Variants in EML4 observed in about 807,000 individuals in gnomAD.
EML4 encodes echinoderm microtubule-associated protein-like 4.
EML4 carries 72 observed loss-of-function variants against 129.0 expected under a neutral mutation model. The ratio of observed to expected loss-of-function variants is 0.56; its 90% CI spans 0.46 to 0.68. EML4 has a LOEUF of 0.68. EML4 is among the 30% of genes least tolerant of loss of function. EML4 has a pLI of 0.00. For missense variants in EML4, 1,363 were observed against 1,190.6 expected (o/e 1.14, Z -2.13); for synonymous variants, 532 against 405.0 (o/e 1.31, Z -3.77).
At chr2:42,238,755 C>A (rs1176502923) in intron 1 of EML4, among the ~76,000 whole-genome samples, 1 of 151,990 alleles carries the variant, frequency 6.6e-6, no homozygotes, top group Non-Finnish European at 1.5e-5. Flanking sequence ...CAAGCATGTG[C>A]CACCACACCT....
At chr2:42,266,891 A>G (rs937597778) in intron 6 of EML4, among the ~76,000 whole-genome samples, 1 of 152,212 alleles carries the variant, frequency 6.6e-6, no homozygotes, top group Non-Finnish European at 1.5e-5. Flanking sequence ...AGTGGCATCT[A>G]CTGAAATAGG....
chr2:42,264,949 A>T lies in EML4; in HGVS notation c.667+218A>T, dbSNP rs759113982. On this transcript the variant is annotated intron_variant, in intron 6 of 22. Coordinates refer to ENST00000318522, the MANE Select transcript of EML4 (RefSeq NM_019063.5). ...ATGTCAACTCGCGAAAAAAACAGCC[A>T]AGGTAAGAATAAGCTACGCAGTTGG... 6 of 1,550,470 alleles carry T rather than the reference A, an allele frequency of 3.9e-6. No homozygotes were observed. In the East Asian group the frequency reaches 1.5e-4, roughly 38 times the overall value.
chr2:42,302,824 A>G (rs1668368428), intron 14 of EML4, among the ~76,000 whole-genome samples: 1 of 152,094 alleles, frequency 6.6e-6, no homozygotes, highest in Non-Finnish European at 1.5e-5. Flanking sequence ...GTGAGCCACC[A>G]TGCCCAGCCT....
chr2:42,189,003 G>C (rs946627922), intron 1 of EML4, among the ~76,000 whole-genome samples: 1 of 152,136 alleles, frequency 6.6e-6, no homozygotes. Flanking sequence ...TCCAACTCCA[G>C]TTATCCCACT....
At position 42,169,382 on chromosome 2, in the gene EML4, A is replaced by C. The variant is rs1012675771; in HGVS notation, c.-230A>C. 2 of 297,024 alleles carry C rather than the reference A, an allele frequency of 6.7e-6. No individual in the cohort carries two copies. Among genetic ancestry groups the C allele is most frequent in the Non-Finnish European group, 1.2e-5 (2 of 160,464 alleles). The allele number at this position is 297,024 out of a possible 1,614,324, so 18.4% of individuals were successfully genotyped here. ...CGCTCGCGGCTGCTGCCTGGGAGGG[A>C]GGCCGGGCAGGCGGCTGAGCGGCGC... On this transcript the variant is annotated 5_prime_UTR_variant, in exon 1 of 23. Coordinates refer to ENST00000318522, the MANE Select transcript of EML4 (RefSeq NM_019063.5).
At position 42,313,914 on chromosome 2, in the gene EML4, G is replaced by GT. The variant is rs1226794243; in HGVS notation, c.1968-2047dup. Among the ~76,000 whole-genome samples, 5 of 150,548 alleles carry GT rather than the reference G, an allele frequency of 3.3e-5. No homozygotes were observed. The East Asian group carries it at 9.8e-4, about 29-fold the overall frequency. ...CACCACTCCATCCACTCCAGTCTGG[G>GT]TGACAGAGTGAGACTCCGTCTCAAA... On this transcript the variant is annotated intron_variant, in intron 17 of 22. Coordinates refer to ENST00000318522, the MANE Select transcript of EML4 (RefSeq NM_019063.5).
At chr2:42,280,779 G>A in intron 6 of EML4, 71 bp from the exon 7 acceptor site, 2 of 1,200,110 alleles carry the variant, frequency 1.7e-6, no homozygotes, top group South Asian at 1.5e-5. Context: ...ATTGTATCAC[G>A]TTAATAATCC....
rs369708733 is a variant in EML4, at chr2:42,259,270, G to A, written c.339-1851G>A. 2.0e-5 allele frequency among the ~76,000 whole-genome samples: 3 copies of A among 151,442 alleles called. No individual in the cohort carries two copies. The East Asian group carries it at 5.8e-4, about 29-fold the overall frequency. On this transcript the variant is annotated intron_variant, in intron 3 of 22. Coordinates refer to ENST00000318522, the MANE Select transcript of EML4 (RefSeq NM_019063.5). ...TGAAAAAAAAAACAGGGGGAGGGGGGCGGCAGAGAAAAGAAATAGGCATTT... is the reference window on the plus strand; with the variant it reads ...TGAAAAAAAAAACAGGGGGAGGGGGACGGCAGAGAAAAGAAATAGGCATTT...
At chr2:42,285,281 C>T (rs974780775) in intron 9 of EML4, among the ~76,000 whole-genome samples, 5 of 152,134 alleles carry the variant, frequency 3.3e-5, no homozygotes, top group South Asian at 4.1e-4. Context: ...TAATATTATT[C>T]AGTTGGTTTG....
intron 1 of EML4, among the ~76,000 whole-genome samples, chr2:42,243,532 C>A (rs912185069): frequency 4.6e-5 from 7 of 152,088 alleles, no homozygotes; most frequent in Admixed American, 4.6e-4. Flanking sequence ...TAAAACAATC[C>A]TATTTAAAGG....
intron 14 of EML4, among the ~76,000 whole-genome samples, chr2:42,302,049 A>G (rs761172709): frequency 2.0e-4 from 31 of 152,238 alleles, no homozygotes; most frequent in Non-Finnish European, 4.1e-4. Flanking sequence ...CCATTATTTC[A>G]GAATCATTCT....
chr2:42,256,505 A>G lies in EML4; in HGVS notation c.213A>G (p.Gln71=), dbSNP rs1480252344. 7 of 1,598,554 alleles carry G rather than the reference A, an allele frequency of 4.4e-6. No homozygotes were observed. The highest frequency in any genetic ancestry group is 1.3e-5 in the African/African-American group (1 of 74,358). Reference sequence around the variant, plus strand: ...TTTTTCCTTAATTATCTTTAGGCCAACCAAGCCCTCGAGCAGTTATTCCCA... The same window carrying G: ...TTTTTCCTTAATTATCTTTAGGCCAGCCAAGCCCTCGAGCAGTTATTCCCA... ...SVKKSVSSKG[Q]PSPRAVIPMS... The change falls in exon 3 of 23, where the codon CAA becomes CAG. Residue 71 remains glutamine, a synonymous_variant. Coordinates refer to ENST00000318522, the MANE Select transcript of EML4 (RefSeq NM_019063.5).
At chr2:42,194,999 A>G (rs1232580818) in intron 1 of EML4, among the ~76,000 whole-genome samples, 1 of 152,186 alleles carries the variant, frequency 6.6e-6, no homozygotes, top group African/African-American at 2.4e-5. Context: ...CTTTATTTCC[A>G]AATCAGGTAA....
intron 2 of EML4, among the ~76,000 whole-genome samples, chr2:42,249,813 G>C (rs1675647488): frequency 6.6e-6 from 1 of 152,116 alleles, no homozygotes. Flanking sequence ...GAGTTTTTAA[G>C]GTGGCCAGTC....
At chr2:42,298,755 G>A (rs995268886) in intron 13 of EML4, among the ~76,000 whole-genome samples, 1 of 151,636 alleles carries the variant, frequency 6.6e-6, no homozygotes, top group Non-Finnish European at 1.5e-5. Context: ...CAAGGTTTTT[G>A]TCATGTTTAG....
intron 1 of EML4, among the ~76,000 whole-genome samples, chr2:42,181,083 T>C (rs1157199638): frequency 1.3e-5 from 2 of 152,222 alleles, no homozygotes; most frequent in African/African-American, 4.8e-5. Context: ...TTACTGATGA[T>C]GTCCATTCTG....
intron 1 of EML4, among the ~76,000 whole-genome samples, chr2:42,183,089 A>C (rs1422318418): frequency 6.6e-6 from 1 of 152,116 alleles, no homozygotes; most frequent in Non-Finnish European, 1.5e-5. Context: ...TGGGAGGTGG[A>C]GGTTGCAGTG....
intron 1 of EML4, among the ~76,000 whole-genome samples, chr2:42,211,125 G>T (rs561105770): frequency 4.6e-4 from 70 of 152,194 alleles, no homozygotes; most frequent in African/African-American, 1.7e-3. Flanking sequence ...CCTATAATGT[G>T]CTTGGTGTAC....
At chr2:42,328,686 A>G (rs1332013445) in intron 21 of EML4, among the ~76,000 whole-genome samples, 200 bp from the exon 22 acceptor site, 5 of 152,180 alleles carry the variant, frequency 3.3e-5, no homozygotes, top group Non-Finnish European at 5.9e-5. Context: ...TTGGTTTTTT[A>G]TTAGTTAGAT....
Sources: allele counts gnomAD v4.1 joint callset (sites outside exome capture counted in the v4.1 genomes callset), GRCh38; gene constraint gnomAD v4.1.1; transcripts MANE v1.5; gene names NCBI Gene and HGNC (gene_info 2026-07-23, HGNC 2026-07-21).